Variants in UNC13C observed in about 807,000 individuals in gnomAD.
The protein encoded by UNC13C is protein unc-13 homolog C.
In UNC13C, 174 loss-of-function variants were observed where a neutral mutation model predicts 245.4. That is an observed-to-expected ratio of 0.71 (90% confidence interval 0.63 to 0.80). The LOEUF (loss-of-function observed/expected upper bound fraction) is 0.80, where lower values mean the gene tolerates loss of function less well. UNC13C is among the 30% of genes least tolerant of loss of function. UNC13C has a pLI of 0.00. For missense variants in UNC13C, 2,829 were observed against 2,602.9 expected (o/e 1.09, Z -1.89); for synonymous variants, 992 against 895.1 (o/e 1.11, Z -1.93).
At chr15:54,152,161 A>G (rs113320371) in intron 4 of UNC13C, among the ~76,000 whole-genome samples, 3,710 of 151,972 alleles carry the variant, frequency 0.024, 152 homozygotes, top group African/African-American at 0.08. Flanking sequence ...CTATCCCCTC[A>G]CCCTCATGAA....
In UNC13C at chr15:54,217,236, C is replaced by G. The variant is rs192415309; in HGVS notation, c.3072-17794C>G. 9.1e-3 allele frequency among the ~76,000 whole-genome samples: 1,250 copies of G among 136,644 alleles called. 20 individuals carry two copies. Among genetic ancestry groups the G allele is most frequent in the South Asian group, 0.042 (202 of 4,814 alleles). The allele number at this position is 136,644 out of a possible 152,430, so 89.6% of individuals were successfully genotyped here. On this transcript the variant is annotated intron_variant, in intron 4 of 32. Transcript: ENST00000260323. ...ACTTGGTGGAGTCATCTGTGAGACT[C>G]TTGTCTGATGTGAAATTAAATAACT... is the stretch of plus-strand genomic sequence containing the variant.
Position 54,460,501 on chromosome 15 carries a change from A to G in UNC13C, c.4934-34107A>G, listed in dbSNP as rs1596415051. ...GGTTGTTCTGTTATGAGTGGCTGTA[A>G]TGGCTGGAGTTGGTTGGCCTCCAGC... On this transcript the variant is annotated intron_variant, in intron 19 of 32. Transcript: ENST00000260323. Among the ~76,000 whole-genome samples the G allele has an allele frequency of 2.0e-5, 3 of 152,304 alleles. No homozygotes were observed. The East Asian group carries it at 5.8e-4, about 29-fold the overall frequency.
intron 30 of UNC13C, among the ~76,000 whole-genome samples, chr15:54,577,498 TC>T (rs980717346): frequency 4.6e-5 from 7 of 152,184 alleles, no homozygotes; most frequent in African/African-American, 1.4e-4. Context: ...GCAGGCTTAC[TC>T]CCTGTTTCCC....
the UNC13C span, among the ~76,000 whole-genome samples, chr15:53,873,579 C>CT: frequency 6.6e-6 from 1 of 152,142 alleles, no homozygotes; most frequent in African/African-American, 2.4e-5. Flanking sequence ...GGCAAATCAT[C>CT]TAGCAGTCTA....
intron 1 of UNC13C, among the ~76,000 whole-genome samples, chr15:54,002,954 C>T (rs1894963523): frequency 6.6e-6 from 1 of 152,134 alleles, no homozygotes; most frequent in Non-Finnish European, 1.5e-5. Context: ...TTTGTTCCAG[C>T]TCTGCTGTAT....
At chr15:54,441,018 A>G (rs1046768778) in intron 19 of UNC13C, among the ~76,000 whole-genome samples, 1 of 151,816 alleles carries the variant, frequency 6.6e-6, no homozygotes, top group Non-Finnish European at 1.5e-5. Context: ...TTATTTTCTT[A>G]CTGTTGAGTT....
At chr15:54,308,757 G>A (rs988175288) in intron 13 of UNC13C, among the ~76,000 whole-genome samples, 1 of 151,460 alleles carries the variant, frequency 6.6e-6, no homozygotes, top group Non-Finnish European at 1.5e-5. Context: ...ATGATCATAT[G>A]GTATTTTTCT....
chr15:54,182,613 G>A (rs1401273918), intron 4 of UNC13C, among the ~76,000 whole-genome samples: 1 of 151,938 alleles, frequency 6.6e-6, no homozygotes, highest in African/African-American at 2.4e-5. Context: ...ACAACTGGTA[G>A]AATTCAGCTG....
rs540098605 is a variant in UNC13C, at chr15:54,570,657, A to C, written c.6106+2710A>C. 4.6e-5 allele frequency among the ~76,000 whole-genome samples: 7 copies of C among 152,356 alleles called. No homozygotes were observed. The East Asian group carries it at 1.3e-3, about 29-fold the overall frequency. Reference sequence around the variant, plus strand: ...TATTCATGACCATAGACTGAGTAATAAAGTTAGCCAACAATACACCCTTTG... The same window carrying C: ...TATTCATGACCATAGACTGAGTAATCAAGTTAGCCAACAATACACCCTTTG... On this transcript the variant is annotated intron_variant, in intron 30 of 32. Transcript: ENST00000260323.
At chr15:54,606,230 C>T (rs927076852) in intron 30 of UNC13C, among the ~76,000 whole-genome samples, 1 of 152,166 alleles carries the variant, frequency 6.6e-6, no homozygotes, top group African/African-American at 2.4e-5. Flanking sequence ...TGCTTTTCAG[C>T]ACAGATTTCT....
At chr15:54,371,307 C>A (rs2039482329) in intron 17 of UNC13C, among the ~76,000 whole-genome samples, 1 of 152,056 alleles carries the variant, frequency 6.6e-6, no homozygotes. Flanking sequence ...CCTGATATTT[C>A]ATTTAACGTA....
At chr15:54,308,290 G>T (rs79976855) in intron 13 of UNC13C, among the ~76,000 whole-genome samples, 8,358 of 151,806 alleles carry the variant, frequency 0.055, 782 homozygotes, top group African/African-American at 0.19. Context: ...ATAATATTTT[G>T]ACTATTAATG....
At chr15:54,245,010 G>C (rs1409671367) in intron 7 of UNC13C, among the ~76,000 whole-genome samples, 1 of 152,100 alleles carries the variant, frequency 6.6e-6, no homozygotes, top group African/African-American at 2.4e-5. Flanking sequence ...TGTTGAATAG[G>C]AGTGGTAACA....
intron 7 of UNC13C, 138 bp from the exon 8 acceptor site, chr15:54,250,087 C>T (rs2036103709): frequency 2.6e-6 from 2 of 769,316 alleles, no homozygotes; most frequent in Admixed American, 2.1e-5. Context: ...TTACTGTCAT[C>T]ATGACTTGAA....
chr15:54,404,537 A>C (rs1320976111), intron 18 of UNC13C, among the ~76,000 whole-genome samples: 2 of 152,170 alleles, frequency 1.3e-5, no homozygotes. Flanking sequence ...GATTAAGTTA[A>C]GCTATGACTG....
intron 1 of UNC13C, among the ~76,000 whole-genome samples, chr15:53,988,137 C>T (rs932305194): frequency 1.3e-5 from 2 of 151,944 alleles, no homozygotes; most frequent in African/African-American, 2.4e-5. Context: ...TCCTTGAGGG[C>T]AAGTCTTATG....
intron 10 of UNC13C, among the ~76,000 whole-genome samples, chr15:54,276,794 G>A (rs983761131): frequency 1.9e-4 from 29 of 152,128 alleles, no homozygotes; most frequent in African/African-American, 7.0e-4. Context: ...CGACATTTGA[G>A]ACCATTTTTG....
At chr15:54,597,183 G>T (rs957967821) in intron 30 of UNC13C, among the ~76,000 whole-genome samples, 3 of 152,162 alleles carry the variant, frequency 2.0e-5, no homozygotes, top group East Asian at 1.9e-4. Flanking sequence ...AGGAGGTGGA[G>T]CTCAGGTGGT....
At chr15:54,423,439 C>T (rs1464339669) in intron 19 of UNC13C, among the ~76,000 whole-genome samples, 1 of 151,586 alleles carries the variant, frequency 6.6e-6, no homozygotes, top group Non-Finnish European at 1.5e-5. Flanking sequence ...GATAATTTCC[C>T]CAGCAATATT....
Sources: allele counts gnomAD v4.1 joint callset (sites outside exome capture counted in the v4.1 genomes callset), GRCh38; gene constraint gnomAD v4.1.1; transcripts MANE v1.5; gene names NCBI Gene and HGNC (gene_info 2026-07-23, HGNC 2026-07-21).